AGBL1: variants seen among roughly 807,000 people sequenced by gnomAD.
AGBL1 encodes the protein AGBL carboxypeptidase 1, also known as cytosolic carboxypeptidase 4.
Under a neutral mutation model 118.9 loss-of-function variants are expected in AGBL1, and 130 were observed. The observed-to-expected ratio is 1.09, with a 90% CI of 0.95 to 1.26. The LOEUF is 1.26. Among genes scored for constraint, AGBL1 ranks in the 50% most tolerant of loss-of-function variants. The pLI, the probability that AGBL1 is intolerant of heterozygous loss-of-function variation, is 0.00. For synonymous variants in AGBL1, 555 were observed against 478.9 expected, an observed-to-expected ratio of 1.16 and a Z score of -2.08; for missense variants, 1,584 against 1,298.1, an observed-to-expected ratio of 1.22 and a Z score of -3.38.
At chr15:86,849,354 C>T (rs1240784568) in intron 22 of AGBL1, among the ~76,000 whole-genome samples, 2 of 152,142 alleles carry the variant, frequency 1.3e-5, no homozygotes, top group East Asian at 1.9e-4. Flanking sequence ...GGATCACATT[C>T]GGCATAGTAA....
At chr15:86,561,828 A>T (rs533767675) in intron 21 of AGBL1, among the ~76,000 whole-genome samples, 1 of 151,896 alleles carries the variant, frequency 6.6e-6, no homozygotes, top group Non-Finnish European at 1.5e-5. Context: ...CTTTTATTTC[A>T]TTGAGCAGTG....
intron 21 of AGBL1, among the ~76,000 whole-genome samples, chr15:86,659,031 CAG>C (rs2085501459): frequency 6.6e-6 from 1 of 152,148 alleles, no homozygotes; most frequent in Admixed American, 6.5e-5. Context: ...TTCACAAAGA[CAG>C]AAGTAAGCCA....
chr15:86,366,874 T>C (rs886828924), intron 17 of AGBL1, among the ~76,000 whole-genome samples: 1 of 152,170 alleles, frequency 6.6e-6, no homozygotes, highest in African/African-American at 2.4e-5. Context: ...AGCTAAGTGA[T>C]TGCCTTTGTT....
intron 3 of AGBL1, among the ~76,000 whole-genome samples, chr15:86,150,207 A>C (rs1256167041): frequency 6.6e-6 from 1 of 152,248 alleles, no homozygotes; most frequent in African/African-American, 2.4e-5. Flanking sequence ...CTAACATCAC[A>C]ACTAAAAGAA....
intron 21 of AGBL1, among the ~76,000 whole-genome samples, chr15:86,554,766 T>A (rs115226494): frequency 0.021 from 3,263 of 152,266 alleles, 60 homozygotes; most frequent in Middle Eastern, 0.065. Context: ...CTCAATCAGC[T>A]GCCCTCACTA....
At chr15:86,498,602 A>T (rs887335769) in intron 18 of AGBL1, among the ~76,000 whole-genome samples, 2 of 151,920 alleles carry the variant, frequency 1.3e-5, no homozygotes, top group African/African-American at 4.8e-5. Context: ...TGACAATATT[A>T]CTTGGTATGT....
chr15:86,601,167 T>C (rs773074550), intron 21 of AGBL1, among the ~76,000 whole-genome samples: 4 of 152,056 alleles, frequency 2.6e-5, no homozygotes, highest in Non-Finnish European at 5.9e-5. Flanking sequence ...GTGGGAATAA[T>C]AGGGAAAAAG....
chr15:86,753,415 T>TTTTTTTTCTTTTTTTTTTTTTTTTTTC (rs35941815), intron 22 of AGBL1, among the ~76,000 whole-genome samples: 1 of 139,748 alleles, frequency 7.2e-6, no homozygotes, highest in Non-Finnish European at 1.5e-5. Flanking sequence ...TTTTTTTTTT[T>TTTTTTTTCTTTTTTTTTTTTTTTTTTC]GAGACAGAGT....
chr15:86,490,048 TTG>T (rs1491476020), intron 18 of AGBL1, among the ~76,000 whole-genome samples: 1 of 152,098 alleles, frequency 6.6e-6, no homozygotes, highest in African/African-American at 2.4e-5. Flanking sequence ...TCAGGTTGCC[TTG>T]TGTTACCTCA....
intron 24 of AGBL1, among the ~76,000 whole-genome samples, chr15:87,017,334 A>C (rs1020082853): frequency 5.9e-5 from 9 of 152,134 alleles, no homozygotes; most frequent in African/African-American, 1.9e-4. Flanking sequence ...AGATTGGATG[A>C]GACTTCTCAA....
chr15:86,861,619 T>C (rs545899868), intron 22 of AGBL1, among the ~76,000 whole-genome samples: 1 of 152,344 alleles, frequency 6.6e-6, no homozygotes, highest in Admixed American at 6.5e-5. Context: ...TGATGTTATC[T>C]ACTTCACAGA....
intron 19 of AGBL1, among the ~76,000 whole-genome samples, chr15:86,524,830 A>AT (rs2083241094): frequency 1.3e-5 from 2 of 152,166 alleles, no homozygotes. Flanking sequence ...TGCTGAGTCA[A>AT]TCTTTTTTTG....
chr15:86,839,928 A>G (rs1322543984), intron 22 of AGBL1, among the ~76,000 whole-genome samples: 2 of 152,194 alleles, frequency 1.3e-5, no homozygotes, highest in Non-Finnish European at 2.9e-5. Flanking sequence ...TCAGACTTCT[A>G]TGAATTTTTT....
chr15:86,592,615 C>G (rs1312826915), intron 21 of AGBL1, among the ~76,000 whole-genome samples: 1 of 152,116 alleles, frequency 6.6e-6, no homozygotes, highest in South Asian at 2.1e-4. Flanking sequence ...TCATTAGAAG[C>G]GTTTTTCCCT....
chr15:86,561,847 T>C (rs1256124051), intron 21 of AGBL1, among the ~76,000 whole-genome samples: 2 of 152,192 alleles, frequency 1.3e-5, no homozygotes, highest in Admixed American at 1.3e-4. Flanking sequence ...TGGTTTGTAG[T>C]TCTCCTTGAA....
At chr15:86,940,492 A>T (rs867382293) in intron 23 of AGBL1, among the ~76,000 whole-genome samples, 29 of 152,278 alleles carry the variant, frequency 1.9e-4, no homozygotes, top group African/African-American at 7.0e-4. Context: ...CTGGCATATA[A>T]TGTTGACCAC....
At chr15:86,136,766 T>C (rs1222759484) in intron 1 of AGBL1, among the ~76,000 whole-genome samples, 4 of 152,024 alleles carry the variant, frequency 2.6e-5, no homozygotes, top group Non-Finnish European at 4.4e-5. Flanking sequence ...TTTCATACTG[T>C]GGTGAGGAGC....
chr15:86,885,598 T>C (rs2079958504), intron 22 of AGBL1, among the ~76,000 whole-genome samples: 1 of 152,230 alleles, frequency 6.6e-6, no homozygotes, highest in Non-Finnish European at 1.5e-5. Context: ...CTAGCATCTA[T>C]GGCCATGCTA....
intron 5 of AGBL1, among the ~76,000 whole-genome samples, chr15:86,188,208 G>A (rs1478700539): frequency 6.6e-6 from 1 of 152,108 alleles, no homozygotes; most frequent in Non-Finnish European, 1.5e-5. Context: ...GACAAAAAGG[G>A]GAAATTTTAG....
Sources: gnomAD v4.1 joint callset for allele counts (sites outside exome capture counted in the v4.1 genomes callset) on GRCh38, gnomAD v4.1.1 for gene constraint, MANE v1.5 for transcripts, NCBI Gene and HGNC (gene_info 2026-07-23, HGNC 2026-07-21) for gene names.